TRPS1: variants seen among roughly 807,000 people sequenced by gnomAD.
The protein encoded by TRPS1 is transcriptional repressor GATA binding 1.
In TRPS1, 6 loss-of-function variants were observed where a neutral mutation model predicts 101.2. That is an observed-to-expected ratio of 0.06 (90% CI 0.03 to 0.12). The LOEUF is 0.12. TRPS1 is among the 10% of genes least tolerant of loss of function. TRPS1 has a pLI of 1.00. For synonymous variants in TRPS1, 578 were observed against 589.8 expected (o/e 0.98, Z 0.29); for missense variants, 1,363 against 1,567.0 (o/e 0.87, Z 2.20).
chr8:115,426,586 C>T (rs1329659764), intron 5 of TRPS1, among the ~76,000 whole-genome samples: 1 of 152,008 alleles, frequency 6.6e-6, no homozygotes, highest in African/African-American at 2.4e-5. Flanking sequence ...GAAGTGTTGC[C>T]ACCCTCGAGG....
intron 3 of TRPS1, among the ~76,000 whole-genome samples, chr8:115,606,724 A>G (rs76680303): frequency 0.015 from 2,224 of 151,764 alleles, 28 homozygotes; most frequent in Non-Finnish European, 0.02. Context: ...ATAATTCATA[A>G]TACTGAAATA....
At chr8:115,488,475 G>A (rs1049391700) in intron 5 of TRPS1, among the ~76,000 whole-genome samples, 21 of 152,250 alleles carry the variant, frequency 1.4e-4, no homozygotes, top group African/African-American at 4.3e-4. Flanking sequence ...TGGATCATGA[G>A]GTCAAGAGAT....
At chr8:115,620,942 C>G (rs1274155863) in intron 2 of TRPS1, among the ~76,000 whole-genome samples, 3 of 152,156 alleles carry the variant, frequency 2.0e-5, no homozygotes, top group Non-Finnish European at 4.4e-5. Flanking sequence ...TAAGCTGAAC[C>G]ATATGACATT....
At chr8:115,574,750 A>ATATC (rs1187906832) in intron 5 of TRPS1, among the ~76,000 whole-genome samples, 3 of 151,936 alleles carry the variant, frequency 2.0e-5, no homozygotes, top group Non-Finnish European at 4.4e-5. Flanking sequence ...CCATATATAT[A>ATATC]TATAACTTTA....
intron 5 of TRPS1, among the ~76,000 whole-genome samples, chr8:115,505,640 TACAAATA>T (rs1403072327): frequency 6.6e-6 from 1 of 152,126 alleles, no homozygotes; most frequent in Non-Finnish European, 1.5e-5. Context: ...TTTTAATTTT[TACAAATA>T]ACAAATAACC....
chr8:115,596,001 T>A (rs2721926), intron 4 of TRPS1, among the ~76,000 whole-genome samples: 10 of 151,546 alleles, frequency 6.6e-5, no homozygotes, highest in African/African-American at 1.2e-4. Flanking sequence ...GTATTATTTT[T>A]AAAAATATGA....
chr8:115,412,961 C>T lies in TRPS1; in HGVS notation c.*1062G>A, dbSNP rs895303576. The T allele has an allele frequency of 6.6e-6, 1 of 152,406 alleles. No homozygotes were observed. Among genetic ancestry groups the T allele is most frequent in the Non-Finnish European group, 1.5e-5 (1 of 67,978 alleles). 9.4% of individuals were successfully genotyped at this position (152,406 alleles called of 1,614,324 possible). On this transcript the variant is annotated 3_prime_UTR_variant, in exon 7 of 7. Transcript: ENST00000395715. The stretch of plus-strand genomic sequence containing the variant: ...TATACCAACTGTCAGTCTGTGGTAA[C>T]GTAACCTTAGACGCTGCCTGACCAC...
chr8:115,547,870 G>A (rs1816612161), intron 5 of TRPS1, among the ~76,000 whole-genome samples: 1 of 152,118 alleles, frequency 6.6e-6, no homozygotes, highest in South Asian at 2.1e-4. Flanking sequence ...GTAAACACTA[G>A]AAATAAATTA....
At chr8:115,461,304 GATAC>G (rs57142241) in intron 5 of TRPS1, among the ~76,000 whole-genome samples, 24,811 of 75,306 alleles carry the variant, frequency 0.33, 2,700 homozygotes, top group Admixed American at 0.4. Context: ...TAGATAGACA[GATAC>G]ATACATACAT....
chr8:115,524,466 A>T (rs1276766645), intron 5 of TRPS1, among the ~76,000 whole-genome samples: 1 of 151,586 alleles, frequency 6.6e-6, no homozygotes, highest in East Asian at 1.9e-4. Flanking sequence ...GATTACAGGC[A>T]TGCGCCACCA....
intron 1 of TRPS1, among the ~76,000 whole-genome samples, chr8:115,631,455 G>A (rs916396866): frequency 2.6e-5 from 4 of 152,052 alleles, no homozygotes; most frequent in Non-Finnish European, 4.4e-5. Flanking sequence ...CAACACATCT[G>A]AGGCTCATTT....
chr8:115,457,233 A>T lies in TRPS1; in HGVS notation c.2701-38781T>A, dbSNP rs548810788. On this transcript the variant is annotated intron_variant, in intron 5 of 6. Transcript: ENST00000395715. ...AAGCGTTGTCTGTCCAAAGATGAAT[A>T]AGCAAAATATGGTATATACATACAA... 1.5e-4 allele frequency among the ~76,000 whole-genome samples: 23 copies of T among 152,348 alleles called. No homozygotes were observed. In the South Asian group the frequency reaches 4.3e-3, roughly 29 times the overall value.
chr8:115,501,142 A>T, intron 5 of TRPS1, among the ~76,000 whole-genome samples: 1 of 152,182 alleles, frequency 6.6e-6, no homozygotes, highest in East Asian at 1.9e-4. Flanking sequence ...CACTCTTCAG[A>T]AATAATACTA....
chr8:115,625,453 G>A (rs1818484377), intron 1 of TRPS1, among the ~76,000 whole-genome samples: 1 of 151,694 alleles, frequency 6.6e-6, no homozygotes, highest in South Asian at 2.1e-4. Context: ...TGCACTGAAA[G>A]ACTATAGAAC....
chr8:115,455,675 A>G (rs761545485), intron 5 of TRPS1, among the ~76,000 whole-genome samples: 8 of 152,230 alleles, frequency 5.3e-5, no homozygotes, highest in South Asian at 2.1e-4. Context: ...AGAGGCCACA[A>G]CTGGCTTCAA....
At chr8:115,623,532 C>T (rs1190642482) in intron 2 of TRPS1, 69 bp downstream of exon 2, 4 of 1,552,770 alleles carry the variant, frequency 2.6e-6, no homozygotes, top group African/African-American at 2.7e-5. Context: ...TAACAGATTG[C>T]ACGATGTTTT....
chr8:115,593,514 A>G (rs1036291705), intron 4 of TRPS1, among the ~76,000 whole-genome samples: 3 of 152,194 alleles, frequency 2.0e-5, no homozygotes, highest in Admixed American at 6.5e-5. Flanking sequence ...AGATTTGAGC[A>G]TATTTTCTGA....
chr8:115,585,371 G>T (rs1179790725), intron 5 of TRPS1, among the ~76,000 whole-genome samples: 1 of 152,114 alleles, frequency 6.6e-6, no homozygotes, highest in Non-Finnish European at 1.5e-5. Flanking sequence ...AACAATGGCA[G>T]AAAAGGTAAT....
At chr8:115,637,038 C>T (rs950910182) in intron 1 of TRPS1, among the ~76,000 whole-genome samples, 4 of 151,862 alleles carry the variant, frequency 2.6e-5, no homozygotes, top group East Asian at 1.9e-4. Context: ...AAATAACCAA[C>T]GTGGTCAATG....
Sources: allele counts gnomAD v4.1 joint callset (sites outside exome capture counted in the v4.1 genomes callset), GRCh38; gene constraint gnomAD v4.1.1; transcripts MANE v1.5; gene names NCBI Gene and HGNC (gene_info 2026-07-23, HGNC 2026-07-21).